GAN: variants seen among roughly 807,000 people sequenced by gnomAD.
The protein encoded by GAN is epididymis secretory sperm binding protein.
Under a neutral mutation model 71.3 loss-of-function variants are expected in GAN, and 48 were observed. That is an observed-to-expected ratio of 0.67 (90% CI 0.53 to 0.86). GAN has a LOEUF of 0.86. Among genes scored for constraint, GAN ranks in the 40% least tolerant of loss-of-function variants. The pLI is 0.00. For synonymous variants in GAN, 386 were observed against 276.8 expected (o/e 1.39, Z -3.92); for missense variants, 928 against 770.1 (o/e 1.21, Z -2.43).
intron 1 of GAN, among the ~76,000 whole-genome samples, chr16:81,339,179 A>G (rs1391743305): frequency 1.3e-5 from 2 of 152,232 alleles, no homozygotes; most frequent in Non-Finnish European, 2.9e-5. Context: ...CAGAATCCAC[A>G]TCACCCAAGA....
At chr16:81,374,131 T>A (rs1177507094) in intron 9 of GAN, among the ~76,000 whole-genome samples, 2 of 152,216 alleles carry the variant, frequency 1.3e-5, no homozygotes, top group Non-Finnish European at 2.9e-5. Flanking sequence ...TAATTTGGAT[T>A]GATCTAATGA....
intron 1 of GAN, among the ~76,000 whole-genome samples, chr16:81,342,744 A>T (rs888429175): frequency 3.3e-5 from 5 of 152,224 alleles, no homozygotes; most frequent in Admixed American, 6.5e-5. Context: ...GAGCAAACAC[A>T]TTCAAAAACT....
intron 1 of GAN, among the ~76,000 whole-genome samples, chr16:81,336,161 C>G (rs1909753939): frequency 6.6e-6 from 1 of 152,160 alleles, no homozygotes; most frequent in African/African-American, 2.4e-5. Flanking sequence ...TGGAGGGCAG[C>G]TCACCTGTAG....
In GAN at chr16:81,341,700, C is replaced by T. The variant is rs563885497; in HGVS notation, c.168-9883C>T. On this transcript the variant is annotated intron_variant, in intron 1 of 10. Transcript: ENST00000648994. Reference sequence around the variant, plus strand: ...AAACATGCCAAATTGTAAAGACCATCGATGCTGTGAAGTAACTGCATCAAT... The same window carrying T: ...AAACATGCCAAATTGTAAAGACCATTGATGCTGTGAAGTAACTGCATCAAT... Among the ~76,000 whole-genome samples, 38 of 152,250 alleles carry T rather than the reference C, an allele frequency of 2.5e-4. No homozygotes were observed. In the South Asian group the frequency reaches 6.4e-3, roughly 26 times the overall value.
rs548470777 is a variant in GAN at position 81,328,338 on chromosome 16, G to A, written c.167+13058G>A. ...CTTGAATTCATTTCACATCTCTCTC[G>A]TATCTCAATGTAATGCCCATAGTTG... On this transcript the variant is annotated intron_variant, in intron 1 of 10. Transcript: ENST00000648994. Among the ~76,000 whole-genome samples the A allele has an allele frequency of 1.4e-4, 21 of 152,058 alleles. 1 individual carries two copies. Among genetic ancestry groups the A allele is most frequent in the Middle Eastern group, 3.4e-3 (1 of 294 alleles).
intron 1 of GAN, among the ~76,000 whole-genome samples, chr16:81,332,919 G>C (rs1460373599): frequency 6.6e-6 from 1 of 152,098 alleles, no homozygotes; most frequent in Non-Finnish European, 1.5e-5. Flanking sequence ...GTATTGTTCA[G>C]TTTGATCACG....
chr16:81,342,891 A>C (rs1252846348), intron 1 of GAN, among the ~76,000 whole-genome samples: 1 of 152,196 alleles, frequency 6.6e-6, no homozygotes, highest in Non-Finnish European at 1.5e-5. Flanking sequence ...CAAGACTAAT[A>C]AAGAAGAAAA....
In GAN at chr16:81,387,371, A is replaced by G. The variant is rs1904433502; in HGVS notation, c.*9775A>G. On this transcript the variant is annotated 3_prime_UTR_variant, in exon 11 of 11. Transcript: ENST00000648994. ...ACTCCGTAGGTGGGTAGCCTTGCTG[A>G]TGGGGCACGTCGTCACCAAGGGACC... 6.6e-6 allele frequency: 1 copy of G among 152,028 alleles called. No individual in the cohort carries two copies. The highest frequency in any genetic ancestry group is 1.5e-5 in the Non-Finnish European group (1 of 68,016). The allele number at this position is 152,028 out of a possible 1,614,324, so 9.4% of individuals were successfully genotyped here. A position where few individuals can be genotyped will look rare whatever the true frequency, so the allele number is the denominator to read the frequency against.
chr16:81,322,902 T>C lies in GAN; in HGVS notation c.167+7622T>C, dbSNP rs113467355. ...AGGCTGTGAGTTTGATATGAGTCTT[T>C]TCTAACCCACAGAGAACATTCACTA... On this transcript the variant is annotated intron_variant, in intron 1 of 10. Coordinates refer to ENST00000648994, the MANE Select transcript of GAN (RefSeq NM_022041.4). 2.2e-3 allele frequency among the ~76,000 whole-genome samples: 331 copies of C among 152,334 alleles called. 1 individual carries two copies. Among genetic ancestry groups the C allele is most frequent in the African/African-American group, 7.6e-3 (316 of 41,580 alleles).
At chr16:81,334,625 G>A (rs1312972948) in intron 1 of GAN, among the ~76,000 whole-genome samples, 3 of 152,176 alleles carry the variant, frequency 2.0e-5, no homozygotes, top group Non-Finnish European at 4.4e-5. Context: ...GTGGATAGTG[G>A]AACATTTGAG....
chr16:81,365,427 G>A lies in GAN; in HGVS notation c.1451G>A (p.Gly484Asp), dbSNP rs1262913728. 6.2e-7 allele frequency: 1 copy of A among 1,613,586 alleles called. No homozygotes were observed. The highest frequency in any genetic ancestry group is 1.7e-5 in the Admixed American group (1 of 59,950). Residue 484 changes from glycine to aspartate, a missense_variant, in exon 9 of 11, where the codon GGT (glycine) becomes GAT (aspartate). Physicochemically the swap from Gly to Asp is moderately conservative, Grantham distance 94 (BLOSUM62 -1). Coordinates refer to ENST00000648994, the MANE Select transcript of GAN (RefSeq NM_022041.4). ...GGVRSREDAQ[G>D]SEMVTCKSEF... is the part of the protein sequence containing the mutation. ...GTCCGAAGTCGTGAGGACGCCCAGG[G>A]TAGCGAGATGGTAACTTGCAAGTCC... is the stretch of plus-strand genomic sequence containing the variant.
chr16:81,343,332 C>T (rs1429605180), intron 1 of GAN, among the ~76,000 whole-genome samples: 2 of 152,110 alleles, frequency 1.3e-5, no homozygotes, highest in Non-Finnish European at 2.9e-5. Flanking sequence ...AATTTTAGGC[C>T]AATATCCCTG....
chr16:81,356,193 T>C (rs1910479026), intron 3 of GAN, among the ~76,000 whole-genome samples: 2 of 152,206 alleles, frequency 1.3e-5, no homozygotes, highest in Non-Finnish European at 2.9e-5. Context: ...TATTTTACAT[T>C]TATAAAATAC....
At chr16:81,337,038 T>G (rs1255430060) in intron 1 of GAN, among the ~76,000 whole-genome samples, 1 of 152,196 alleles carries the variant, frequency 6.6e-6, no homozygotes, top group Non-Finnish European at 1.5e-5. Context: ...GATCCACTAT[T>G]ACAGTATCAC....
chr16:81,360,593 C>G (rs1400937365), intron 5 of GAN, among the ~76,000 whole-genome samples: 1 of 146,030 alleles, frequency 6.8e-6, no homozygotes, highest in South Asian at 2.1e-4. Flanking sequence ...TTTTTAATTT[C>G]TACAAATTCT....
At chr16:81,367,667 A>G (rs1254182345) in intron 9 of GAN, among the ~76,000 whole-genome samples, 1 of 152,258 alleles carries the variant, frequency 6.6e-6, no homozygotes, top group Non-Finnish European at 1.5e-5. Context: ...TTTAGATAAC[A>G]TTAAACACAC....
At chr16:81,341,829 A>C (rs1909953111) in intron 1 of GAN, among the ~76,000 whole-genome samples, 1 of 152,194 alleles carries the variant, frequency 6.6e-6, no homozygotes. Context: ...ATTGAAAGAC[A>C]CAGATTGGCA....
chr16:81,326,363 C>CAAAA (rs66769713), intron 1 of GAN, among the ~76,000 whole-genome samples: 2 of 138,720 alleles, frequency 1.4e-5, no homozygotes, highest in African/African-American at 2.7e-5. Flanking sequence ...ACTAAAAATA[C>CAAAA]AAAAAAAAAA....
intron 1 of GAN, among the ~76,000 whole-genome samples, chr16:81,347,472 C>G (rs1910156448): frequency 6.6e-6 from 1 of 152,212 alleles, no homozygotes; most frequent in Admixed American, 6.5e-5. Flanking sequence ...CCTTTCACTT[C>G]CTTCCTGTTT....
Sources: gnomAD v4.1 joint callset for allele counts (sites outside exome capture counted in the v4.1 genomes callset) on GRCh38, gnomAD v4.1.1 for gene constraint, MANE v1.5 for transcripts, NCBI Gene and HGNC (gene_info 2026-07-23, HGNC 2026-07-21) for gene names.